Variants in FCGR1A observed in about 807,000 individuals in gnomAD.
The protein encoded by FCGR1A is high affinity immunoglobulin gamma Fc receptor I.
A neutral mutation model predicts 35.0 loss-of-function variants in FCGR1A; 13 were observed. The observed-to-expected ratio is 0.37, with a 90% confidence interval of 0.24 to 0.59. The LOEUF (loss-of-function observed/expected upper bound fraction) is 0.59, where lower values mean the gene tolerates loss of function less well. Among genes scored for constraint, FCGR1A ranks in the 20% least tolerant of loss-of-function variants. The pLI, the probability that FCGR1A is intolerant of heterozygous loss-of-function variation, is 0.71. For missense variants in FCGR1A, 227 were observed against 430.0 expected, an observed-to-expected ratio of 0.53 and a Z score of 4.17; for synonymous variants, 91 against 164.7, an observed-to-expected ratio of 0.55 and a Z score of 3.43.
At chr1:149,793,001 C>T (rs1238794649), downstream of FCGR1A, 8 of 1,273,494 alleles carry the variant, frequency 6.3e-6, no homozygotes, top group Non-Finnish European at 8.1e-6. Flanking sequence ...AGGCGCGTAG[C>T]TGAGTCCCTC....
At chr1:149,784,518 C>T (rs1279512871) in intron 3 of FCGR1A, among the ~76,000 whole-genome samples, 1 of 151,922 alleles carries the variant, frequency 6.6e-6, no homozygotes. Context: ...ATCATTATTC[C>T]AAATGTATGC....
downstream of FCGR1A, chr1:149,794,173 T>A (rs2091773252): frequency 2.8e-6 from 1 of 352,804 alleles, no homozygotes; most frequent in Non-Finnish European, 5.6e-6. Context: ...ATGGTAACAG[T>A]GGAGCTATTG....
At chr1:149,793,148 G>A (rs1553752385), downstream of FCGR1A, 5 of 1,274,772 alleles carry the variant, frequency 3.9e-6, no homozygotes, top group South Asian at 5.0e-5. Flanking sequence ...TCCGCGGAGA[G>A]GAGGATTGGT....
chr1:149,792,754 GA>G (rs2091743646), downstream of FCGR1A: 1 of 1,283,630 alleles, frequency 7.8e-7, no homozygotes, highest in Non-Finnish European at 1.0e-6. Context: ...AACCCAGTGA[GA>G]AATTATTTGC....
At chr1:149,793,895 A>G (rs2091769111), downstream of FCGR1A, 2 of 1,286,416 alleles carry the variant, frequency 1.6e-6, no homozygotes, top group South Asian at 1.2e-5. Flanking sequence ...AGTTGGGTCC[A>G]TTCTGGATCT....
chr1:149,793,182 G>C, downstream of FCGR1A: 3 of 1,278,628 alleles, frequency 2.3e-6, no homozygotes, highest in Non-Finnish European at 2.0e-6. Flanking sequence ...CGGGAGGACG[G>C]CGCTGGGCTC....
intron 4 of FCGR1A, among the ~76,000 whole-genome samples, chr1:149,789,325 G>A (rs1202485720): frequency 7.9e-5 from 12 of 152,146 alleles, no homozygotes; most frequent in African/African-American, 2.7e-4. Context: ...CCCGGGAAGC[G>A]GAGCTTGCAG....
At chr1:149,793,518 T>A (rs1170117198), downstream of FCGR1A, among the ~76,000 whole-genome samples, 1 of 152,128 alleles carries the variant, frequency 6.6e-6, no homozygotes, top group East Asian at 1.9e-4. Context: ...AGGGATCTGA[T>A]GCAGCTGGCG....
At chr1:149,785,407 CGTTT>C (rs1358676177) in intron 3 of FCGR1A, among the ~76,000 whole-genome samples, 6 of 74,544 alleles carry the variant, frequency 8.0e-5, no homozygotes, top group Admixed American at 2.9e-4. Flanking sequence ...AGAGCTGTTT[CGTTT>C]TTTTTTTTTT....
intron 3 of FCGR1A, chr1:149,785,842 A>G (rs1553750792): frequency 6.6e-6 from 1 of 152,114 alleles, no homozygotes; most frequent in African/African-American, 2.4e-5. Context: ...ACTGACTTCC[A>G]GCACCATAGG....
intron 5 of FCGR1A, 197 bp downstream of exon 5, chr1:149,790,535 T>C: frequency 1.1e-6 from 1 of 947,222 alleles, no homozygotes; most frequent in Non-Finnish European, 1.5e-6. Flanking sequence ...TCCTTTCCTT[T>C]CTTTTTCTTT....
rs369669108 is a variant in FCGR1A at position 149,784,074 on chromosome 1, C to T, written c.124C>T (p.His42Tyr). 2 of 1,611,282 alleles carry T rather than the reference C, an allele frequency of 1.2e-6. No individual in the cohort carries two copies. Among genetic ancestry groups the T allele is most frequent in the African/African-American group, 2.7e-5 (2 of 74,446 alleles). ...GTTCCAAGAGGAAACCGTAACCTTG[C>T]ACTGTGAGGTGCTCCATCTGCCTGG... ...SVFQEETVTL[H>Y]CEVLHLPGSS... Residue 42 changes from histidine (H) to tyrosine (Y), a missense_variant, in exon 3 of 6, where the codon CAC becomes TAC. Physicochemically the swap from His to Tyr is moderately conservative, Grantham distance 83. Transcript: ENST00000369168.
the FCGR1A span, among the ~76,000 whole-genome samples, chr1:149,799,628 T>C: frequency 4.6e-5 from 7 of 152,230 alleles, no homozygotes; most frequent in African/African-American, 9.7e-5. Context: ...TTTGGTAGAT[T>C]TGTATTTTAT....
chr1:149,793,042 G>GC, downstream of FCGR1A: 1 of 1,261,884 alleles, frequency 7.9e-7, no homozygotes, highest in African/African-American at 1.6e-5. Context: ...CAGCTCCCGG[G>GC]CCCCGGCGCG....
intron 3 of FCGR1A, 26 bp downstream of exon 3, chr1:149,784,283 C>T: frequency 8.1e-6 from 13 of 1,609,268 alleles, no homozygotes; most frequent in Non-Finnish European, 1.1e-5. Context: ...ACCAGGAGGG[C>T]CGGAAACCAC....
At chr1:149,793,538 G>GT (rs1245438760), downstream of FCGR1A, among the ~76,000 whole-genome samples, 1 of 152,102 alleles carries the variant, frequency 6.6e-6, no homozygotes, top group Non-Finnish European at 1.5e-5. Flanking sequence ...GGGGAGAAAG[G>GT]TGGGTCGGAC....
chr1:149,784,471 T>G (rs1199507353), intron 3 of FCGR1A, among the ~76,000 whole-genome samples: 1 of 152,084 alleles, frequency 6.6e-6, no homozygotes, highest in Non-Finnish European at 1.5e-5. Context: ...CAGCTCTAAG[T>G]AGGATGTCTA....
At chr1:149,792,085 G>GC (rs1553752010), downstream of FCGR1A, 4 of 142,220 alleles carry the variant, frequency 2.8e-5, no homozygotes, top group African/African-American at 8.6e-5. Flanking sequence ...GGCATACAAG[G>GC]GGGTAACTCA....
chr1:149,787,333 T>TC (rs1553750942), intron 3 of FCGR1A: 1 of 152,238 alleles, frequency 6.6e-6, no homozygotes, highest in Non-Finnish European at 1.5e-5. Context: ...CCATTTTTAC[T>TC]TAGCCAAACC....
Sources: gnomAD v4.1 joint callset for allele counts (sites outside exome capture counted in the v4.1 genomes callset) on GRCh38, gnomAD v4.1.1 for gene constraint, MANE v1.5 for transcripts, NCBI Gene and HGNC (gene_info 2026-07-23, HGNC 2026-07-21) for gene names.